APOBEC2: variants seen among roughly 807,000 people sequenced by gnomAD.
APOBEC2 encodes C->U-editing enzyme APOBEC-2.
In APOBEC2, 14 loss-of-function variants were observed where a neutral mutation model predicts 19.4. The observed-to-expected ratio is 0.72, with a 90% CI of 0.48 to 1.13. The LOEUF is 1.13. Ranked by LOEUF, APOBEC2 falls within the 50% of genes most tolerant of loss-of-function variation. APOBEC2 has a pLI of 0.00. For missense variants in APOBEC2, 304 were observed against 277.0 expected (o/e 1.10, Z -0.69); for synonymous variants, 127 against 112.1 (o/e 1.13, Z -0.84).
At chr6:41,061,095 A>AAT (rs1762864536) in intron 1 of APOBEC2, among the ~76,000 whole-genome samples, 2 of 151,890 alleles carry the variant, frequency 1.3e-5, no homozygotes, top group South Asian at 4.1e-4. Context: ...GGGTGACCAA[A>AAT]ATGCACACCT....
At chr6:41,063,663 T>TA (rs36027549) in intron 2 of APOBEC2, among the ~76,000 whole-genome samples, 96,260 of 141,418 alleles carry the variant, frequency 0.68, 33,611 homozygotes, top group Non-Finnish European at 0.75. Context: ...TATATCAAGT[T>TA]AAAAAAAAAA....
At chr6:41,061,955 G>T (rs1419911367) in intron 2 of APOBEC2, 63 bp downstream of exon 2, 1 of 1,424,214 alleles carries the variant, frequency 7.0e-7, no homozygotes, top group African/African-American at 1.4e-5. Context: ...GAAGGTGTGA[G>T]GTCAGGTAGA....
intron 2 of APOBEC2, among the ~76,000 whole-genome samples, chr6:41,063,725 C>A (rs61145412): frequency 6.8e-6 from 1 of 147,920 alleles, no homozygotes; most frequent in Admixed American, 6.8e-5. Flanking sequence ...AACAACCCTG[C>A]TTAATTAAAA....
At chr6:41,053,987 C>G (rs1561836272) in intron 1 of APOBEC2, among the ~76,000 whole-genome samples, 5 of 152,190 alleles carry the variant, frequency 3.3e-5, no homozygotes, top group Non-Finnish European at 1.5e-5. Context: ...TCCATCCTTT[C>G]CCAAGACTCA....
At chr6:41,059,391 C>T (rs1289580049) in intron 1 of APOBEC2, among the ~76,000 whole-genome samples, 1 of 152,074 alleles carries the variant, frequency 6.6e-6, no homozygotes, top group Non-Finnish European at 1.5e-5. Flanking sequence ...AGCAAAAAGC[C>T]ACTCCAGGAA....
At chr6:41,058,852 T>C (rs1167449978) in intron 1 of APOBEC2, among the ~76,000 whole-genome samples, 1 of 152,182 alleles carries the variant, frequency 6.6e-6, no homozygotes, top group Non-Finnish European at 1.5e-5. Flanking sequence ...GAACCAAACC[T>C]TCCCTGCCTT....
At chr6:41,058,595 A>C (rs1400180135) in intron 1 of APOBEC2, among the ~76,000 whole-genome samples, 3 of 152,206 alleles carry the variant, frequency 2.0e-5, no homozygotes, top group Non-Finnish European at 2.9e-5. Flanking sequence ...ACTAGTGGGC[A>C]TAATAGTGTT....
At chr6:41,057,790 C>T (rs1762813637) in intron 1 of APOBEC2, among the ~76,000 whole-genome samples, 1 of 152,146 alleles carries the variant, frequency 6.6e-6, no homozygotes, top group Non-Finnish European at 1.5e-5. Flanking sequence ...TAGATTTACG[C>T]TTAGAAAATT....
At chr6:41,062,091 T>C (rs1029635187) in intron 2 of APOBEC2, among the ~76,000 whole-genome samples, 199 bp downstream of exon 2, 1 of 152,238 alleles carries the variant, frequency 6.6e-6, no homozygotes, top group Non-Finnish European at 1.5e-5. Context: ...TCCCACACTT[T>C]TGTATCAAAG....
chr6:41,063,009 TCCA>T (rs1222066029), intron 2 of APOBEC2, among the ~76,000 whole-genome samples: 1 of 152,180 alleles, frequency 6.6e-6, no homozygotes, highest in Non-Finnish European at 1.5e-5. Flanking sequence ...ACAACAAGCT[TCCA>T]TGAAGATAAT....
chr6:41,055,260 T>G (rs1370172583), intron 1 of APOBEC2, among the ~76,000 whole-genome samples: 2 of 152,138 alleles, frequency 1.3e-5, no homozygotes, highest in Non-Finnish European at 1.5e-5. Flanking sequence ...TATCTCTATC[T>G]GGGAGGTAGT....
At chr6:41,054,423 GAAAGGAGGCATGATGCTTTCAAGGGGGAA>G (rs546333149) in intron 1 of APOBEC2, among the ~76,000 whole-genome samples, 9 of 152,332 alleles carry the variant, frequency 5.9e-5, no homozygotes, top group African/African-American at 2.2e-4. Flanking sequence ...GTTTCAGGAA[GAAAGGAGGCATGATGCTTTCAAGGGGGAA>G]AGGAAGCCCT....
intron 1 of APOBEC2, among the ~76,000 whole-genome samples, chr6:41,056,429 A>T (rs1171159843): frequency 6.6e-6 from 1 of 152,162 alleles, no homozygotes; most frequent in Non-Finnish European, 1.5e-5. Context: ...ACTAGCTTTG[A>T]GTGTCTACTG....
At position 41,061,872 on chromosome 6, in the gene APOBEC2, G is replaced by A. The variant is rs1367122063; in HGVS notation, c.*1G>A. ...GAAGTTGGCAGACATCCTGAAGTAG[G>A]GCAACTGGGCTTTGCCTCACGTGAG... On this transcript the variant is annotated 3_prime_UTR_variant, in exon 2 of 3. Transcript: ENST00000244669. 1.2e-6 allele frequency: 2 copies of A among 1,610,376 alleles called. No homozygotes were observed. The highest frequency in any genetic ancestry group is 2.7e-5 in the African/African-American group (2 of 74,784).
In APOBEC2 at chr6:41,061,865, G is replaced by A. The variant is rs767972984; in HGVS notation, c.669G>A (p.Leu223=). ...ACGAGGAGAAGTTGGCAGACATCCT[G>A]AAGTAGGGCAACTGGGCTTTGCCTC... ...LYYEEKLADI[L]K The change falls in exon 2 of 3, where the codon CTG becomes CTA. Residue 223 remains leucine, a synonymous_variant. Transcript: ENST00000244669. 3.7e-6 allele frequency: 6 copies of A among 1,612,402 alleles called. No individual in the cohort carries two copies. The highest frequency in any genetic ancestry group is 4.2e-6 in the Non-Finnish European group (5 of 1,179,114).
At chr6:41,053,810 G>A (rs1762761071) in intron 1 of APOBEC2, among the ~76,000 whole-genome samples, 1 of 152,178 alleles carries the variant, frequency 6.6e-6, no homozygotes, top group Admixed American at 6.5e-5. Flanking sequence ...AGGGAGTTTG[G>A]CGAGGACAGA....
chr6:41,061,446 C>T lies in APOBEC2; in HGVS notation c.250C>T (p.Gln84Ter), dbSNP rs1371806736. Reference protein sequence around the residue: ...VEAQGKGGQVQASRGYLEDEH... With the variant: ...VEAQGKGGQV ...AGCACAGGGCAAGGGGGGCCAAGTG[C>T]AGGCATCTCGGGGATACCTAGAGGA... Residue 84 changes from glutamine (Q) to a stop codon, truncating the protein, a stop_gained, in exon 2 of 3, where the codon CAG (glutamine) becomes TAG (stop). Coordinates refer to ENST00000244669, the MANE Select transcript of APOBEC2 (RefSeq NM_006789.4). LOFTEE classifies it high-confidence loss of function. 1 of 1,613,392 alleles carries T rather than the reference C, an allele frequency of 6.2e-7. No individual in the cohort carries two copies.
chr6:41,061,784 G>C lies in APOBEC2; in HGVS notation c.588G>C (p.Glu196Asp). Residue 196 changes from glutamate (E) to aspartate (D), a missense_variant, in exon 2 of 3, where the codon GAG (glutamate) becomes GAC (aspartate). Transcript: ENST00000244669. ...YVWQNFVEQEEGESKAFQPWE... is the reference protein window; with the variant it reads ...YVWQNFVEQEDGESKAFQPWE... ...GGCAGAATTTTGTGGAGCAAGAAGAGGGTGAATCCAAGGCCTTTCAGCCCT... is the reference window on the plus strand; with the variant it reads ...GGCAGAATTTTGTGGAGCAAGAAGACGGTGAATCCAAGGCCTTTCAGCCCT... The C allele has an allele frequency of 1.9e-6, 3 of 1,614,234 alleles. No individual in the cohort carries two copies. In the South Asian group the frequency reaches 3.3e-5, roughly 18 times the overall value.
At chr6:41,057,479 C>G (rs564744849) in intron 1 of APOBEC2, among the ~76,000 whole-genome samples, 66 of 152,266 alleles carry the variant, frequency 4.3e-4, no homozygotes, top group African/African-American at 1.6e-3. Flanking sequence ...TCTGGAGTTC[C>G]CTTCTCAGCT....
Sources: gnomAD v4.1 joint callset for allele counts (sites outside exome capture counted in the v4.1 genomes callset) on GRCh38, gnomAD v4.1.1 for gene constraint, MANE v1.5 for transcripts, NCBI Gene and HGNC (gene_info 2026-07-23, HGNC 2026-07-21) for gene names.